The following RBM20 variants were observed in gnomAD, a reference collection of about 807,000 sequenced individuals.
RBM20 encodes the protein RNA binding motif protein 20.
In RBM20, 51 loss-of-function variants were observed where a neutral mutation model predicts 110.1. The observed-to-expected ratio is 0.46, with a 90% CI of 0.37 to 0.59. The LOEUF (loss-of-function observed/expected upper bound fraction) is 0.59, where lower values mean the gene tolerates loss of function less well. Ranked by LOEUF, RBM20 falls within the 20% of genes least tolerant of loss-of-function variation. RBM20 has a pLI of 0.00. For missense variants in RBM20, 1,512 were observed against 1,574.9 expected (o/e 0.96, Z 0.68); for synonymous variants, 589 against 618.2 (o/e 0.95, Z 0.70).
Position 110,799,865 on chromosome 10 carries a change from G to A in RBM20, c.1747G>A (p.Gly583Ser), listed in dbSNP as rs1209985002. The change falls in exon 7 of 14, where the codon GGT (glycine) becomes AGT (serine). Residue 583 changes from glycine (G) to serine (S), a missense_variant. Gly to Ser is a moderately conservative substitution (Grantham distance 56, BLOSUM62 0). Around this residue, in one of 3 missense-constraint regions of RBM20, gnomAD observed 1,149 missense variants for 1,169.4 expected, o/e 0.98. Transcript: ENST00000369519. ...YYQEKSAVIN[G>S]EKLLIRMSKR... ...TCAAGAAAAATCTGCTGTGATCAATGGTGAGAAGTTGCTCATTCGGATGTC... is the reference window on the plus strand; with the variant it reads ...TCAAGAAAAATCTGCTGTGATCAATAGTGAGAAGTTGCTCATTCGGATGTC... The A allele has an allele frequency of 2.6e-6, 4 of 1,551,950 alleles. No individual in the cohort carries two copies. The highest frequency in any genetic ancestry group is 3.5e-6 in the Non-Finnish European group (4 of 1,147,008).
chr10:110,686,446 T>C (rs1410073819), intron 1 of RBM20, among the ~76,000 whole-genome samples: 1 of 151,624 alleles, frequency 6.6e-6, no homozygotes, highest in East Asian at 1.9e-4. Context: ...CAGTTAAAAC[T>C]CTCTGATTTT....
chr10:110,644,095 G>A (rs376580644), upstream of RBM20, among the ~76,000 whole-genome samples: 72 of 152,288 alleles, frequency 4.7e-4, no homozygotes, highest in South Asian at 0.014. This position sits in a 1 kb window ranked among gnomAD's most constrained non-coding sequence, Gnocchi z 4.3. Flanking sequence ...GGACCCTGAG[G>A]GTGCACTGTG....
intron 1 of RBM20, among the ~76,000 whole-genome samples, chr10:110,750,524 C>T (rs1161878746): frequency 6.6e-6 from 1 of 152,196 alleles, no homozygotes; most frequent in Non-Finnish European, 1.5e-5. Context: ...AGCATCGTCA[C>T]AAGCATTAAG....
intron 1 of RBM20, among the ~76,000 whole-genome samples, chr10:110,726,263 G>T (rs1417108410): frequency 6.6e-6 from 1 of 152,160 alleles, no homozygotes; most frequent in Non-Finnish European, 1.5e-5. Flanking sequence ...GCCTGTCTCA[G>T]AGTTGGAGAT....
intron 7 of RBM20, among the ~76,000 whole-genome samples, chr10:110,806,218 A>AGGTC (rs1844692712): frequency 6.6e-6 from 1 of 151,656 alleles, no homozygotes; most frequent in Admixed American, 6.6e-5. Flanking sequence ...CAGTGAGCCA[A>AGGTC]GGTCGCACCA....
intron 1 of RBM20, among the ~76,000 whole-genome samples, chr10:110,663,529 G>A (rs1862135750): frequency 6.6e-6 from 1 of 152,216 alleles, no homozygotes; most frequent in African/African-American, 2.4e-5. Flanking sequence ...TTACCTGTAT[G>A]TGTAGGTAGG....
chr10:110,779,371 G>C (rs1844307847), intron 1 of RBM20, among the ~76,000 whole-genome samples: 1 of 152,194 alleles, frequency 6.6e-6, no homozygotes, highest in African/African-American at 2.4e-5. Flanking sequence ...CTGGAGAGGG[G>C]GGTGCCCGAG....
chr10:110,753,440 C>G (rs766079114), intron 1 of RBM20, among the ~76,000 whole-genome samples: 14 of 152,168 alleles, frequency 9.2e-5, no homozygotes, highest in African/African-American at 3.1e-4. Context: ...ATTTACTCAT[C>G]ATGCATCTGT....
At chr10:110,738,998 G>T (rs1028561414) in intron 1 of RBM20, among the ~76,000 whole-genome samples, 1 of 152,164 alleles carries the variant, frequency 6.6e-6, no homozygotes, top group Admixed American at 6.5e-5. Context: ...CATTTGAAAT[G>T]GTCCACAGCT....
At chr10:110,749,469 A>G (rs1366348594) in intron 1 of RBM20, among the ~76,000 whole-genome samples, 1 of 152,370 alleles carries the variant, frequency 6.6e-6, no homozygotes, top group East Asian at 1.9e-4. Flanking sequence ...ATTATAAAAC[A>G]TAAAGTATAT....
intron 1 of RBM20, among the ~76,000 whole-genome samples, chr10:110,684,419 CAAAACA>C (rs1564814968): frequency 6.7e-6 from 1 of 149,214 alleles, no homozygotes; most frequent in African/African-American, 2.5e-5. Context: ...CAAAACAAAA[CAAAACA>C]AAAGAAAAAG....
intron 6 of RBM20, 145 bp from the exon 7 acceptor site, chr10:110,799,642 G>A: frequency 1.4e-6 from 1 of 722,974 alleles, no homozygotes; most frequent in East Asian, 2.8e-5. Flanking sequence ...CCCCACCTGA[G>A]AGAGAAGCTC....
intron 1 of RBM20, among the ~76,000 whole-genome samples, chr10:110,683,770 AG>A (rs1862457578): frequency 6.6e-6 from 1 of 152,242 alleles, no homozygotes; most frequent in Non-Finnish European, 1.5e-5. Context: ...TTTTTAAAAT[AG>A]GAGAAACTTC....
intron 1 of RBM20, among the ~76,000 whole-genome samples, chr10:110,709,035 T>C (rs75859079): frequency 8.6e-5 from 13 of 151,416 alleles, no homozygotes; most frequent in Non-Finnish European, 1.3e-4. Flanking sequence ...TTGTTTCTCA[T>C]TTCTTTTTCT....
At chr10:110,697,022 CT>C (rs1390736986) in intron 1 of RBM20, among the ~76,000 whole-genome samples, 1 of 152,112 alleles carries the variant, frequency 6.6e-6, no homozygotes. Context: ...TTGTTGGGGA[CT>C]TTTTTAGACT....
At chr10:110,753,025 G>C (rs1843878616) in intron 1 of RBM20, among the ~76,000 whole-genome samples, 1 of 141,714 alleles carries the variant, frequency 7.1e-6, no homozygotes, top group African/African-American at 2.6e-5. Context: ...TGCAACCTCT[G>C]CCTCCCGGGT....
chr10:110,828,593 A>G (rs1845010568), intron 12 of RBM20, among the ~76,000 whole-genome samples: 2 of 152,216 alleles, frequency 1.3e-5, no homozygotes, highest in South Asian at 4.1e-4. Flanking sequence ...GAAATATTTA[A>G]CACGTGTCTC....
chr10:110,833,580 T>C (rs1478564183), intron 13 of RBM20, among the ~76,000 whole-genome samples: 2 of 152,090 alleles, frequency 1.3e-5, no homozygotes, highest in African/African-American at 4.8e-5. Flanking sequence ...GGGGGCCACA[T>C]AGTTCAAGGT....
rs960480039 is a variant in RBM20 at position 110,791,254 on chromosome 10, C to G, written c.1528-6254C>G. Reference sequence around the variant, plus strand: ...GAGATAAATATTTGCCATATCTGCTCTTAGGCATGTTTAGAACAAAACCAG... The same window carrying G: ...GAGATAAATATTTGCCATATCTGCTGTTAGGCATGTTTAGAACAAAACCAG... On this transcript the variant is annotated intron_variant, in intron 5 of 13. Transcript: ENST00000369519. Among the ~76,000 whole-genome samples the G allele has an allele frequency of 2.0e-5, 3 of 152,224 alleles. No individual in the cohort carries two copies. In the East Asian group the frequency reaches 5.8e-4, roughly 29 times the overall value.
Sources: allele counts gnomAD v4.1 joint callset (sites outside exome capture counted in the v4.1 genomes callset), GRCh38; gene constraint gnomAD v4.1.1; regional missense constraint gnomAD v4.1.1; non-coding constraint Gnocchi (gnomAD v3.1); transcripts MANE v1.5; gene names NCBI Gene and HGNC (gene_info 2026-07-23, HGNC 2026-07-21).